Variants in KIR3DL3 observed in about 807,000 individuals in gnomAD.
KIR3DL3 encodes the protein killer cell immunoglobulin like receptor, three Ig domains and long cytoplasmic tail 3.
A neutral mutation model predicts 34.9 loss-of-function variants in KIR3DL3; 27 were observed. That is an observed-to-expected ratio of 0.77 (90% CI 0.57 to 1.07). The LOEUF is 1.07. KIR3DL3 is among the 50% of genes least tolerant of loss of function. The pLI is 0.00. For missense variants in KIR3DL3, 681 were observed against 528.5 expected (o/e 1.29, Z -2.83); for synonymous variants, 217 against 200.2 (o/e 1.08, Z -0.71).
At chr19:54,725,305 A>G in intron 2 of KIR3DL3, 23 bp downstream of exon 2, 1 of 1,543,892 alleles carries the variant, frequency 6.5e-7, no homozygotes, top group Non-Finnish European at 8.7e-7. Flanking sequence ...CCCAAACCTT[A>G]GGTTGTCATC....
At position 54,729,729 on chromosome 19, in the gene KIR3DL3, C is replaced by T. The variant is rs1231237397; in HGVS notation, c.892C>T (p.Arg298Cys). ...GAACTACAGATGCTTCGGCTCTTTC[C>T]GTGCCCTGCCCCATGCGTGGTCAGA... ...GGNYRCFGSF[R>C]ALPHAWSDPS... The change falls in exon 5 of 8, where the codon CGT becomes TGT. Residue 298 changes from arginine to cysteine, a missense_variant. By Grantham distance (180) the Arg-to-Cys change is radical. Coordinates refer to ENST00000291860, the MANE Select transcript of KIR3DL3 (RefSeq NM_153443.5). 17 of 1,593,036 alleles carry T rather than the reference C, an allele frequency of 1.1e-5. No homozygotes were observed. Among genetic ancestry groups the T allele is most frequent in the African/African-American group, 8.3e-5 (6 of 72,058 alleles).
chr19:54,731,842 A>T (rs2068829709), intron 5 of KIR3DL3, among the ~76,000 whole-genome samples: 1 of 151,868 alleles, frequency 6.6e-6, no homozygotes. Flanking sequence ...TTTTTCTCTG[A>T]ATCCTGCTCT....
chr19:54,735,053 T>TAAACTA (rs2069322233), intron 5 of KIR3DL3, among the ~76,000 whole-genome samples, 200 bp from the exon 6 acceptor site: 3 of 146,380 alleles, frequency 2.0e-5, no homozygotes, highest in African/African-American at 7.6e-5. Flanking sequence ...GTCAAACATC[T>TAAACTA]AAACTAAAGC....
chr19:54,734,946 A>G (rs1282659556), intron 5 of KIR3DL3, among the ~76,000 whole-genome samples: 2 of 142,142 alleles, frequency 1.4e-5, no homozygotes, highest in Non-Finnish European at 3.1e-5. Flanking sequence ...AACAGCATTG[A>G]TCTGTTCATG....
At chr19:54,725,313 A>C in intron 2 of KIR3DL3, 31 bp downstream of exon 2, 2 of 1,529,736 alleles carry the variant, frequency 1.3e-6, no homozygotes, top group Non-Finnish European at 1.8e-6. Context: ...TTAGGTTGTC[A>C]TCTCCCCACA....
At chr19:54,734,445 G>A (rs570674611) in intron 5 of KIR3DL3, among the ~76,000 whole-genome samples, 3 of 151,692 alleles carry the variant, frequency 2.0e-5, no homozygotes, top group Admixed American at 1.3e-4. Flanking sequence ...CTCGAGACAT[G>A]TGGAGTCACC....
chr19:54,731,671 A>C (rs2068807905), intron 5 of KIR3DL3, among the ~76,000 whole-genome samples: 3 of 152,146 alleles, frequency 2.0e-5, no homozygotes, highest in African/African-American at 4.8e-5. Context: ...TTTCTTTTTA[A>C]GGTTCCAAGC....
rs1213136889 is a variant in KIR3DL3, at chr19:54,729,686, C to A, written c.849C>A (p.Gly283=). 3.1e-6 allele frequency: 5 copies of A among 1,599,704 alleles called. No individual in the cohort carries two copies. Among genetic ancestry groups the A allele is most frequent in the Non-Finnish European group, 4.3e-6 (5 of 1,176,102 alleles). ...NGTFQANFPL[G]PVTHGGNYRC... ...CATTCCAGGCCAACTTCCCTCTGGG[C>A]CCTGTGACCCACGGAGGGAACTACA... Residue 283 remains glycine, a synonymous_variant, in exon 5 of 8, where the codon GGC becomes GGA. Coordinates refer to ENST00000291860, the MANE Select transcript of KIR3DL3 (RefSeq NM_153443.5).
intron 5 of KIR3DL3, among the ~76,000 whole-genome samples, chr19:54,734,166 T>C (rs1345690359): frequency 6.6e-6 from 1 of 151,530 alleles, no homozygotes; most frequent in Non-Finnish European, 1.5e-5. Flanking sequence ...AATGTAATTT[T>C]TTTGAGTCAA....
chr19:54,731,013 T>C (rs2146821710), intron 5 of KIR3DL3, among the ~76,000 whole-genome samples: 1 of 151,990 alleles, frequency 6.6e-6, no homozygotes, highest in South Asian at 2.1e-4. Context: ...TTTGTTTTTG[T>C]TTTTGTTTTT....
intron 3 of KIR3DL3, 110 bp downstream of exon 3, chr19:54,726,447 G>T: frequency 3.6e-6 from 5 of 1,380,668 alleles, no homozygotes; most frequent in Non-Finnish European, 4.9e-6. Flanking sequence ...TGTATTTGGG[G>T]TAAAGGGGGA....
chr19:54,728,427 G>C (rs1426380585), intron 4 of KIR3DL3, among the ~76,000 whole-genome samples: 2 of 147,756 alleles, frequency 1.4e-5, no homozygotes, highest in Non-Finnish European at 3.0e-5. Context: ...CCAGGTGAGG[G>C]AGCAGAACAC....
intron 5 of KIR3DL3, among the ~76,000 whole-genome samples, chr19:54,734,552 G>C (rs35835276): frequency 1.3e-5 from 2 of 151,444 alleles, no homozygotes; most frequent in East Asian, 1.9e-4. Context: ...ACTGCATGAC[G>C]TCCTCCTCCA....
intron 5 of KIR3DL3, among the ~76,000 whole-genome samples, chr19:54,730,322 G>T (rs2068666252): frequency 6.7e-6 from 1 of 149,992 alleles, no homozygotes; most frequent in Non-Finnish European, 1.5e-5. Flanking sequence ...GAGAGGCCAA[G>T]GCAGGTGGAT....
intron 5 of KIR3DL3, among the ~76,000 whole-genome samples, chr19:54,733,232 A>T (rs1314280954): frequency 6.6e-6 from 1 of 152,166 alleles, no homozygotes; most frequent in Non-Finnish European, 1.5e-5. Flanking sequence ...GAAGGGACCT[A>T]GTATAATATA....
Position 54,725,236 on chromosome 19 carries a change from T to C in KIR3DL3, c.35-11T>C. ...TACAGATGGATCATCCATCATGATC[T>C]TTCTTTCCAGGGTTCTTCTTGCTGG... On this transcript the variant is annotated splice_polypyrimidine_tract_variant and intron_variant, in intron 1 of 7. Coordinates refer to ENST00000291860, the MANE Select transcript of KIR3DL3 (RefSeq NM_153443.5). 1 of 1,592,174 alleles carries C rather than the reference T, an allele frequency of 6.3e-7. No individual in the cohort carries two copies.
intron 5 of KIR3DL3, 142 bp downstream of exon 5, chr19:54,729,928 G>C: frequency 1.8e-6 from 1 of 557,924 alleles, no homozygotes; most frequent in Non-Finnish European, 2.8e-6. Flanking sequence ...CAGGGCGCAG[G>C]ATGGCAGACA....
Position 54,727,761 on chromosome 19 carries a change from G to A in KIR3DL3, c.506G>A (p.Gly169Glu). Residue 169 changes from glycine (G) to glutamate (E), a missense_variant, in exon 4 of 8, where the codon GGA becomes GAA. Gly to Glu is a moderately conservative substitution (Grantham distance 98). Transcript: ENST00000291860. The part of the protein sequence containing the change: ...GITEDPLRLV[G>E]QLHDAGSQVN... ...ACTGAGGACCCCTTGCGCCTCGTTG[G>A]ACAGCTCCACGATGCGGGTTCCCAG... 1 of 1,613,276 alleles carries A rather than the reference G, an allele frequency of 6.2e-7. No homozygotes were observed. Among genetic ancestry groups the A allele is most frequent in the Non-Finnish European group, 8.5e-7 (1 of 1,179,824 alleles).
intron 4 of KIR3DL3, 81 bp from the exon 5 acceptor site, chr19:54,729,412 G>A (rs1600189998): frequency 1.5e-6 from 2 of 1,299,460 alleles, no homozygotes; most frequent in Non-Finnish European, 2.1e-6. Flanking sequence ...ATAGAGCAGG[G>A]GAGTGAGTTC....
Sources: gnomAD v4.1 joint callset for allele counts (sites outside exome capture counted in the v4.1 genomes callset) on GRCh38, gnomAD v4.1.1 for gene constraint, MANE v1.5 for transcripts, NCBI Gene and HGNC (gene_info 2026-07-23, HGNC 2026-07-21) for gene names.